USF3: variants seen among roughly 807,000 people sequenced by gnomAD.
USF3 encodes basic helix-loop-helix domain-containing protein USF3.
In USF3, 29 loss-of-function variants were observed where a neutral mutation model predicts 157.5. The observed-to-expected ratio is 0.18, with a 90% CI of 0.14 to 0.25. USF3 has a LOEUF of 0.25. Among genes scored for constraint, USF3 ranks in the 10% least tolerant of loss-of-function variants. The probability of loss-of-function intolerance (pLI) is 1.00; values close to 1 mark genes in which losing one functional copy is unlikely to be tolerated. For missense variants in USF3, 2,381 were observed against 2,667.6 expected, an observed-to-expected ratio of 0.89 and a Z score of 2.37; for synonymous variants, 893 against 941.4, an observed-to-expected ratio of 0.95 and a Z score of 0.94.
At chr3:113,680,250 C>A (rs926439335) in intron 1 of USF3, among the ~76,000 whole-genome samples, 5 of 151,660 alleles carry the variant, frequency 3.3e-5, no homozygotes, top group African/African-American at 1.2e-4. Context: ...TGCTGGGAGA[C>A]TTTTAATTAT....
At position 113,657,813 on chromosome 3, in the gene USF3, G is replaced by C. The variant is rs1436742051; in HGVS notation, c.3869C>G (p.Ser1290Cys). 2 of 1,614,086 alleles carry C rather than the reference G, an allele frequency of 1.2e-6. No homozygotes were observed. The highest frequency in any genetic ancestry group is 4.5e-5 in the East Asian group (2 of 44,902). Residue 1290 changes from serine (S) to cysteine (C), a missense_variant, in exon 7 of 7, where the codon TCT becomes TGT. Around this residue, in one of 6 missense-constraint regions of USF3, gnomAD observed 1,435 missense variants for 1,550.9 expected, o/e 0.93. Coordinates refer to ENST00000316407, the MANE Select transcript of USF3 (RefSeq NM_001009899.4). ...SSYGSQPPGP[S>C]LMTEYSQEQL... ...TTCTTGGGAATATTCAGTCATCAGA[G>C]ATGGTCCAGGAGGTTGACTGCCATA...
At chr3:113,679,803 C>A (rs1186971851) in intron 1 of USF3, among the ~76,000 whole-genome samples, 1 of 152,116 alleles carries the variant, frequency 6.6e-6, no homozygotes, top group South Asian at 2.1e-4. Context: ...CATAGAACTT[C>A]ATATAAATGT....
At chr3:113,693,204 G>A (rs1240845092) in intron 1 of USF3, among the ~76,000 whole-genome samples, 1 of 152,104 alleles carries the variant, frequency 6.6e-6, no homozygotes, top group Admixed American at 6.6e-5. Flanking sequence ...TACAATGTTA[G>A]GTCCCAAAAA....
Position 113,658,311 on chromosome 3 carries a change from C to A in USF3, c.3371G>T (p.Cys1124Phe). ...SNATTNTCDSCTFVEQTDIVA... is the reference protein window; with the variant it reads ...SNATTNTCDSFTFVEQTDIVA... ...TATATCAGTTTGCTCTACAAAGGTA[C>A]AGCTGTCACATGTATTAGTTGTTGC... The change falls in exon 7 of 7, where the codon TGT becomes TTT. Residue 1124 changes from cysteine to phenylalanine, a missense_variant. Cys to Phe is a radical substitution (Grantham distance 205). Coordinates refer to ENST00000316407, the MANE Select transcript of USF3 (RefSeq NM_001009899.4). 1 of 1,614,208 alleles carries A rather than the reference C, an allele frequency of 6.2e-7. No homozygotes were observed. Among genetic ancestry groups the A allele is most frequent in the Non-Finnish European group, 8.5e-7 (1 of 1,180,040 alleles).
At chr3:113,682,054 T>C (rs1707443492) in intron 1 of USF3, among the ~76,000 whole-genome samples, 1 of 152,202 alleles carries the variant, frequency 6.6e-6, no homozygotes, top group Admixed American at 6.5e-5. Context: ...CTGGGCACAG[T>C]GGCTCACACC....
chr3:113,672,625 T>C (rs1186460644), intron 4 of USF3, among the ~76,000 whole-genome samples: 1 of 151,880 alleles, frequency 6.6e-6, no homozygotes, highest in Non-Finnish European at 1.5e-5. Context: ...AAAAAAAAAG[T>C]CAACATTAAG....
Position 113,659,523 on chromosome 3 carries a change from T to C in USF3, c.2159A>G (p.Gln720Arg). The change falls in exon 7 of 7, where the codon CAG becomes CGG. Residue 720 changes from glutamine to arginine, a missense_variant. Gln to Arg is a conservative substitution (Grantham distance 43). Around this residue, in one of 6 missense-constraint regions of USF3, gnomAD observed 1,435 missense variants for 1,550.9 expected, o/e 0.93. Coordinates refer to ENST00000316407, the MANE Select transcript of USF3 (RefSeq NM_001009899.4). ...ALASLNQSIS[Q>R]MAGQSCVQLS... ...TTGTACACAGCTTTGCCCAGCCATC[T>C]GTGATATGCTTTGATTGAGGCTGGC... is the stretch of plus-strand genomic sequence containing the variant. 1 of 1,614,234 alleles carries C rather than the reference T, an allele frequency of 6.2e-7. No homozygotes were observed. Among genetic ancestry groups the C allele is most frequent in the South Asian group, 1.1e-5 (1 of 91,088 alleles).
chr3:113,656,131 A>G lies in USF3; in HGVS notation c.5551T>C (p.Ser1851Pro), dbSNP rs1256400468. The G allele has an allele frequency of 6.2e-7, 1 of 1,614,162 alleles. No individual in the cohort carries two copies. ...EHQRNTQCGP[S>P]SAIEYNCPPT... is the part of the protein sequence containing the mutation. Reference sequence around the variant, plus strand: ...GGACAATTATATTCAATTGCAGAGGATGGACCACACTGTGTATTCCTCTGA... The same window carrying G: ...GGACAATTATATTCAATTGCAGAGGGTGGACCACACTGTGTATTCCTCTGA... The change falls in exon 7 of 7, where the codon TCC becomes CCC. Residue 1851 changes from serine (S) to proline (P), a missense_variant. Physicochemically the swap from Ser to Pro is moderately conservative, Grantham distance 74. This residue lies in a region of USF3 where 770 missense variants were observed against 824.2 expected (regional missense o/e 0.93). Coordinates refer to ENST00000316407, the MANE Select transcript of USF3 (RefSeq NM_001009899.4).
At position 113,659,342 on chromosome 3, in the gene USF3, T is replaced by G. The variant is rs1355674575; in HGVS notation, c.2340A>C (p.Ser780=). Residue 780 remains serine, a synonymous_variant, in exon 7 of 7, where the codon TCA becomes TCC. Transcript: ENST00000316407. The part of the protein sequence containing the change: ...ASTYNLVSTS[S]MNTVACLPNM... ...TAGGCAAACAAGCAACAGTGTTCAT[T>G]GAGGAAGTACTCACTAGATTATAAG... 1.9e-6 allele frequency: 3 copies of G among 1,614,138 alleles called. No individual in the cohort carries two copies. The highest frequency in any genetic ancestry group is 2.5e-6 in the Non-Finnish European group (3 of 1,180,050).
At chr3:113,681,078 G>A (rs181191397) in intron 1 of USF3, among the ~76,000 whole-genome samples, 2 of 152,162 alleles carry the variant, frequency 1.3e-5, no homozygotes, top group Admixed American at 1.3e-4. Flanking sequence ...GCAGGTTCAA[G>A]CAATTCTCCC....
Position 113,658,997 on chromosome 3 carries a change from T to C in USF3, c.2685A>G (p.Glu895=). ...SAEKSSPPSQ[E]SVTSEHFAMA... ...TTGCAAAATGTTCACTTGTTACAGA[T>C]TCTTGGGAGGGTGGGCTGGACTTTT... The change falls in exon 7 of 7, where the codon GAA becomes GAG. Residue 895 remains glutamate (E), a synonymous_variant. Transcript: ENST00000316407. The C allele has an allele frequency of 1.2e-6, 2 of 1,614,164 alleles. No individual in the cohort carries two copies. Among genetic ancestry groups the C allele is most frequent in the Non-Finnish European group, 1.7e-6 (2 of 1,180,030 alleles).
chr3:113,658,663 A>G lies in USF3; in HGVS notation c.3019T>C (p.Leu1007=), dbSNP rs1947415939. 2 of 1,613,972 alleles carry G rather than the reference A, an allele frequency of 1.2e-6. No homozygotes were observed. The highest frequency in any genetic ancestry group is 1.7e-6 in the Non-Finnish European group (2 of 1,180,004). The change falls in exon 7 of 7, where the codon TTG becomes CTG. Residue 1007 remains leucine (L), a synonymous_variant. Coordinates refer to ENST00000316407, the MANE Select transcript of USF3 (RefSeq NM_001009899.4). The part of the protein sequence containing the change: ...GLLKGQGLTT[L]LSDLAKKKNP... ...TTTTTTTTAGCAAGATCAGATAGCA[A>G]TGTAGTTAAACCTTGCCCCTTTAAG... is the stretch of plus-strand genomic sequence containing the variant.
chr3:113,682,486 G>A (rs914419707), intron 1 of USF3, among the ~76,000 whole-genome samples: 1 of 152,118 alleles, frequency 6.6e-6, no homozygotes, highest in African/African-American at 2.4e-5. Context: ...AAGTCCATTT[G>A]GTCAATAGTG....
intron 1 of USF3, among the ~76,000 whole-genome samples, chr3:113,692,799 T>G (rs991962095): frequency 6.6e-6 from 1 of 152,238 alleles, no homozygotes; most frequent in African/African-American, 2.4e-5. Context: ...AGTAGTGCAA[T>G]TGTCCCCATA....
intron 5 of USF3, 107 bp downstream of exon 5, chr3:113,670,014 C>A: frequency 5.7e-6 from 4 of 704,190 alleles, no homozygotes; most frequent in South Asian, 3.5e-5. Flanking sequence ...TCAAAAGAAC[C>A]ATACATAGAA....
chr3:113,656,102 T>C lies in USF3; in HGVS notation c.5580A>G (p.Pro1860=). The C allele has an allele frequency of 6.2e-7, 1 of 1,614,184 alleles. No individual in the cohort carries two copies. The highest frequency in any genetic ancestry group is 8.5e-7 in the Non-Finnish European group (1 of 1,180,030). ...PSSAIEYNCP[P]THENVHIRRE... ...TTCTAATATGGACATTTTCATGAGTTGGGGGACAATTATATTCAATTGCAG... is the reference window on the plus strand; with the variant it reads ...TTCTAATATGGACATTTTCATGAGTCGGGGGACAATTATATTCAATTGCAG... The change falls in exon 7 of 7, where the codon CCA becomes CCG. Residue 1860 remains proline (P), a synonymous_variant. Coordinates refer to ENST00000316407, the MANE Select transcript of USF3 (RefSeq NM_001009899.4).
intron 5 of USF3, among the ~76,000 whole-genome samples, chr3:113,666,714 C>T (rs184872475): frequency 2.0e-5 from 3 of 151,592 alleles, no homozygotes; most frequent in Admixed American, 6.6e-5. Flanking sequence ...TACAGGCACC[C>T]GCCACCATGC....
At chr3:113,679,072 G>A (rs1049460697) in intron 1 of USF3, among the ~76,000 whole-genome samples, 7 of 148,720 alleles carry the variant, frequency 4.7e-5, no homozygotes, top group South Asian at 2.1e-4. Context: ...TCCTCCCGCC[G>A]CAGTCTTCCA....
chr3:113,652,211 A>AT lies in USF3; in HGVS notation c.*2732dup, dbSNP rs1947276534. 1 of 152,116 alleles carries AT rather than the reference A, an allele frequency of 6.6e-6. No homozygotes were observed. The highest frequency in any genetic ancestry group is 6.5e-5 in the Admixed American group (1 of 15,268). The allele number at this position is 152,116 out of a possible 1,614,324, so 9.4% of individuals were successfully genotyped here. A position where few individuals can be genotyped will look rare whatever the true frequency, so the allele number is the denominator to read the frequency against. On this transcript the variant is annotated 3_prime_UTR_variant, in exon 7 of 7. Coordinates refer to ENST00000316407, the MANE Select transcript of USF3 (RefSeq NM_001009899.4). The stretch of plus-strand genomic sequence containing the variant: ...ATGAGAGAGGGAGAGAGGGAAATGA[A>AT]TAGCCAAACACATGGAAAACTGTCC...
Sources: gnomAD v4.1 joint callset for allele counts (sites outside exome capture counted in the v4.1 genomes callset) on GRCh38, gnomAD v4.1.1 for gene constraint, gnomAD v4.1.1 regional missense constraint, MANE v1.5 for transcripts, NCBI Gene and HGNC (gene_info 2026-07-23, HGNC 2026-07-21) for gene names.